Variants in PMFBP1 observed in about 807,000 individuals in gnomAD.
PMFBP1 encodes polyamine-modulated factor 1-binding protein 1.
In PMFBP1, 131 loss-of-function variants were observed where a neutral mutation model predicts 137.8. That is an observed-to-expected ratio of 0.95 (90% CI 0.82 to 1.10). The LOEUF (loss-of-function observed/expected upper bound fraction) is 1.10, where lower values mean the gene tolerates loss of function less well. Among genes scored for constraint, PMFBP1 ranks in the 50% least tolerant of loss-of-function variants. The pLI, the probability that PMFBP1 is intolerant of heterozygous loss-of-function variation, is 0.00. For synonymous variants in PMFBP1, 490 were observed against 450.4 expected (o/e 1.09, Z -1.11); for missense variants, 1,199 against 1,175.4 (o/e 1.02, Z -0.29).
chr16:72,249,648 G>C, the PMFBP1 span, among the ~76,000 whole-genome samples: 1 of 151,848 alleles, frequency 6.6e-6, no homozygotes, highest in Non-Finnish European at 1.5e-5. Context: ...CGGGTGCAGT[G>C]TCTCACGCCT....
chr16:72,200,466 T>C, the PMFBP1 span, among the ~76,000 whole-genome samples: 5 of 152,222 alleles, frequency 3.3e-5, no homozygotes, highest in Non-Finnish European at 7.3e-5. Context: ...AGTGAAGCAA[T>C]GGCCCTGTAG....
intron 5 of PMFBP1, 140 bp from the exon 6 acceptor site, chr16:72,140,722 C>A: frequency 1.3e-6 from 1 of 757,596 alleles, no homozygotes; most frequent in Non-Finnish European, 2.1e-6. Flanking sequence ...CTTAACAAAA[C>A]AAAAAATATT....
chr16:72,151,256 T>G (rs1371746474), intron 4 of PMFBP1, among the ~76,000 whole-genome samples: 1 of 152,206 alleles, frequency 6.6e-6, no homozygotes, highest in Non-Finnish European at 1.5e-5. Context: ...TCAGGAAAGT[T>G]CCCAAGAGAT....
At chr16:72,202,080 G>T in the PMFBP1 span, among the ~76,000 whole-genome samples, 1 of 152,172 alleles carries the variant, frequency 6.6e-6, no homozygotes, top group Non-Finnish European at 1.5e-5. Flanking sequence ...GACTAGCATG[G>T]TTCATTGTAT....
chr16:72,231,384 T>A, the PMFBP1 span, among the ~76,000 whole-genome samples: 1 of 152,172 alleles, frequency 6.6e-6, no homozygotes, highest in Non-Finnish European at 1.5e-5. Flanking sequence ...GGGCTTTAGA[T>A]GAAGCTACCA....
chr16:72,120,111 C>G (rs72787072), intron 19 of PMFBP1, 22 bp from the exon 20 acceptor site: 2 of 1,614,104 alleles, frequency 1.2e-6, no homozygotes, highest in Admixed American at 3.3e-5. Flanking sequence ...AGAGGAAGGA[C>G]GGGTTGTGTT....
chr16:72,206,264 T>C, the PMFBP1 span, among the ~76,000 whole-genome samples: 1 of 152,232 alleles, frequency 6.6e-6, no homozygotes. Flanking sequence ...AATGAGATCA[T>C]GCCTGTGACA....
At chr16:72,153,423 A>G (rs1420061852) in intron 4 of PMFBP1, among the ~76,000 whole-genome samples, 1 of 152,100 alleles carries the variant, frequency 6.6e-6, no homozygotes, top group Non-Finnish European at 1.5e-5. Flanking sequence ...AATAGAACCT[A>G]ACTCCTTGAA....
chr16:72,129,842 T>C (rs189897456), intron 12 of PMFBP1, among the ~76,000 whole-genome samples: 26 of 152,178 alleles, frequency 1.7e-4, no homozygotes, highest in African/African-American at 4.8e-4. Flanking sequence ...ATGACTGATA[T>C]GTTTAATCTT....
intron 13 of PMFBP1, 83 bp downstream of exon 13, chr16:72,128,983 G>A: frequency 1.3e-6 from 2 of 1,541,776 alleles, no homozygotes; most frequent in Admixed American, 4.0e-5. Flanking sequence ...AGCATCCAGG[G>A]CCTCCGCATC....
the PMFBP1 span, among the ~76,000 whole-genome samples, chr16:72,215,615 G>A: frequency 4.6e-5 from 7 of 151,802 alleles, no homozygotes; most frequent in Non-Finnish European, 1.0e-4. Flanking sequence ...ATGAATAGAG[G>A]AAATAGTTTC....
intron 9 of PMFBP1, 67 bp from the exon 10 acceptor site, chr16:72,133,058 T>A: frequency 6.4e-7 from 1 of 1,572,656 alleles, no homozygotes; most frequent in Non-Finnish European, 8.6e-7. Context: ...AATGAGAGGT[T>A]GTCTCAAGCC....
intron 4 of PMFBP1, 75 bp from the exon 5 acceptor site, chr16:72,150,904 C>G: frequency 1.5e-6 from 2 of 1,311,570 alleles, no homozygotes. Flanking sequence ...TGTAAGATTC[C>G]CTGCAGAGAA....
the PMFBP1 span, among the ~76,000 whole-genome samples, chr16:72,213,770 T>C: frequency 6.6e-6 from 1 of 152,204 alleles, no homozygotes; most frequent in African/African-American, 2.4e-5. Flanking sequence ...GAGCGAAAAC[T>C]GATATGATGG....
chr16:72,192,427 C>T, the PMFBP1 span, among the ~76,000 whole-genome samples: 1 of 152,024 alleles, frequency 6.6e-6, no homozygotes, highest in Non-Finnish European at 1.5e-5. Flanking sequence ...CTTGCAGTTT[C>T]ATGTATTGTT....
chr16:72,118,278 A>G (rs1410178307), downstream of PMFBP1, among the ~76,000 whole-genome samples: 1 of 152,202 alleles, frequency 6.6e-6, no homozygotes, highest in Non-Finnish European at 1.5e-5. Flanking sequence ...GGGGGAACGT[A>G]GTTCAAAGAG....
At chr16:72,140,672 AT>A (rs1167053337) in intron 5 of PMFBP1, 90 bp from the exon 6 acceptor site, 9 of 1,200,542 alleles carry the variant, frequency 7.5e-6, no homozygotes, top group Non-Finnish European at 9.5e-6. Context: ...CTAGACCTAT[AT>A]TCTAAAGGTA....
chr16:72,121,580 C>T (rs1368980151), intron 19 of PMFBP1, among the ~76,000 whole-genome samples: 1 of 152,188 alleles, frequency 6.6e-6, no homozygotes, highest in Non-Finnish European at 1.5e-5. Context: ...CTGAGGCAGC[C>T]ACTGCTTGGT....
Position 72,130,953 on chromosome 16 carries a change from C to G in PMFBP1, c.1448-231G>C, listed in dbSNP as rs544535945. Among the ~76,000 whole-genome samples the G allele has an allele frequency of 2.0e-5, 3 of 152,300 alleles. No individual in the cohort carries two copies. The South Asian group carries it at 6.2e-4, about 32-fold the overall frequency. ...AAATTAAACAAACTGGTAGAAATTT[C>G]TCAGCAACTCCTGTGCGACTCATTC... On this transcript the variant is annotated intron_variant, in intron 10 of 20. Transcript: ENST00000237353.
Sources: gnomAD v4.1 joint callset for allele counts (sites outside exome capture counted in the v4.1 genomes callset) on GRCh38, gnomAD v4.1.1 for gene constraint, MANE v1.5 for transcripts, NCBI Gene and HGNC (gene_info 2026-07-23, HGNC 2026-07-21) for gene names.